The following LRRTM4 variants were observed in gnomAD, a reference collection of about 807,000 sequenced individuals.
LRRTM4 encodes the protein leucine rich repeat transmembrane neuronal 4.
Under a neutral mutation model 47.6 loss-of-function variants are expected in LRRTM4, and 25 were observed. That is an observed-to-expected ratio of 0.53 (90% CI 0.38 to 0.73). The LOEUF is 0.73. Ranked by LOEUF, LRRTM4 falls within the 30% of genes least tolerant of loss-of-function variation. The probability of loss-of-function intolerance (pLI) is 0.00; values close to 1 mark genes in which losing one functional copy is unlikely to be tolerated. For synonymous variants in LRRTM4, 311 were observed against 269.5 expected, an observed-to-expected ratio of 1.15 and a Z score of -1.51; for missense variants, 638 against 713.4, an observed-to-expected ratio of 0.89 and a Z score of 1.20.
intron 3 of LRRTM4, among the ~76,000 whole-genome samples, chr2:77,385,821 C>T (rs1479010834): frequency 4.3e-5 from 6 of 140,902 alleles, no homozygotes; most frequent in Non-Finnish European, 6.0e-5. Flanking sequence ...GATCTCAGCT[C>T]GGTGTAACCT....
intron 3 of LRRTM4, among the ~76,000 whole-genome samples, chr2:77,147,437 C>T (rs1558604657): frequency 6.6e-6 from 1 of 152,094 alleles, no homozygotes. Flanking sequence ...TCTCTGTGGA[C>T]TCCAAGGGGT....
intron 3 of LRRTM4, among the ~76,000 whole-genome samples, chr2:77,279,228 G>A (rs139223737): frequency 8.2e-4 from 125 of 152,012 alleles, no homozygotes; most frequent in African/African-American, 2.5e-3. Flanking sequence ...ATCTCTTTCC[G>A]TGGACCTACT....
chr2:77,002,062 T>A (rs1017510942), intron 3 of LRRTM4, among the ~76,000 whole-genome samples: 5 of 152,154 alleles, frequency 3.3e-5, no homozygotes, highest in Non-Finnish European at 7.4e-5. Flanking sequence ...GCTTAACATT[T>A]TACTCTCTTA....
intron 3 of LRRTM4, among the ~76,000 whole-genome samples, chr2:76,978,517 A>G (rs1676493890): frequency 6.6e-6 from 1 of 152,074 alleles, no homozygotes; most frequent in Non-Finnish European, 1.5e-5. Context: ...AGGCTATTGC[A>G]TTTTAAGAAA....
At chr2:77,015,857 C>A (rs1434229295) in intron 3 of LRRTM4, among the ~76,000 whole-genome samples, 1 of 152,072 alleles carries the variant, frequency 6.6e-6, no homozygotes, top group African/African-American at 2.4e-5. Flanking sequence ...GTGGCTCACA[C>A]CTATAATCCC....
At chr2:76,830,515 CGTGTGTGTGTGTGTGTGT>C (rs57566911) in intron 3 of LRRTM4, among the ~76,000 whole-genome samples, 5 of 143,988 alleles carry the variant, frequency 3.5e-5, no homozygotes, top group African/African-American at 1.0e-4. Context: ...GCAGTGTGTG[CGTGTGTGTGTGTGTGTGT>C]GTGTGTGTGT....
intron 3 of LRRTM4, among the ~76,000 whole-genome samples, chr2:77,507,279 A>T (rs1279043426): frequency 1.3e-5 from 2 of 152,168 alleles, no homozygotes; most frequent in African/African-American, 4.8e-5. Flanking sequence ...ATATTTGCTT[A>T]TATAATTAAT....
intron 3 of LRRTM4, among the ~76,000 whole-genome samples, chr2:76,788,765 G>A (rs930923909): frequency 3.9e-5 from 6 of 152,078 alleles, no homozygotes; most frequent in African/African-American, 1.2e-4. Context: ...GAATTTTTAG[G>A]GGGGAGGAAG....
intron 3 of LRRTM4, among the ~76,000 whole-genome samples, chr2:77,510,321 T>G (rs1678934937): frequency 6.6e-6 from 1 of 152,118 alleles, no homozygotes; most frequent in Non-Finnish European, 1.5e-5. Flanking sequence ...AGAACGTATG[T>G]TTCAGTTAAT....
At chr2:76,937,049 G>T (rs1013563336) in intron 3 of LRRTM4, among the ~76,000 whole-genome samples, 9 of 146,996 alleles carry the variant, frequency 6.1e-5, no homozygotes, top group African/African-American at 2.3e-4. Flanking sequence ...CAATGACAAC[G>T]GGAAGCCACA....
At chr2:76,796,129 C>T (rs974144518) in intron 3 of LRRTM4, among the ~76,000 whole-genome samples, 1 of 142,070 alleles carries the variant, frequency 7.0e-6, no homozygotes, top group African/African-American at 2.6e-5. Flanking sequence ...AACGGCACAC[C>T]ACAAGATTAT....
At chr2:77,031,949 A>G (rs1044998007) in intron 3 of LRRTM4, among the ~76,000 whole-genome samples, 2 of 151,810 alleles carry the variant, frequency 1.3e-5, no homozygotes, top group Admixed American at 1.3e-4. Context: ...ATGATTGTCA[A>G]CTCCTCTTTC....
At chr2:77,480,833 GA>G (rs1677668023) in intron 3 of LRRTM4, among the ~76,000 whole-genome samples, 6 of 49,154 alleles carry the variant, frequency 1.2e-4, no homozygotes, top group Admixed American at 2.5e-4. Context: ...GAGAGAGAGA[GA>G]GAGAGAGAGA....
At chr2:76,925,197 G>A (rs962929895) in intron 3 of LRRTM4, among the ~76,000 whole-genome samples, 1 of 152,136 alleles carries the variant, frequency 6.6e-6, no homozygotes, top group African/African-American at 2.4e-5. Flanking sequence ...TTAAAAGAGG[G>A]TAAAAGAGAT....
intron 3 of LRRTM4, among the ~76,000 whole-genome samples, chr2:76,836,142 G>A (rs1187866296): frequency 2.4e-5 from 3 of 125,328 alleles, no homozygotes; most frequent in Non-Finnish European, 4.9e-5. Flanking sequence ...CCAGTCTCAA[G>A]ATATTATAGT....
chr2:77,506,918 TG>T lies in LRRTM4; in HGVS notation c.1551+11399del, dbSNP rs1678797325. ...TAATAAAATGTGAACTTCAAAGTAA[TG>T]TTATGCAATCATATACATACAGTTT... On this transcript the variant is annotated intron_variant, in intron 3 of 3. Coordinates refer to ENST00000409884, the MANE Select transcript of LRRTM4 (RefSeq NM_001134745.3). Among the ~76,000 whole-genome samples, 6 of 151,990 alleles carry T rather than the reference TG, an allele frequency of 3.9e-5. No homozygotes were observed. In the South Asian group the frequency reaches 1.2e-3, roughly 31 times the overall value.
chr2:76,868,310 T>G (rs1243048586), intron 3 of LRRTM4, among the ~76,000 whole-genome samples: 1 of 152,190 alleles, frequency 6.6e-6, no homozygotes, highest in Non-Finnish European at 1.5e-5. Context: ...CCAGTTTCTA[T>G]CCTATGAGGT....
At chr2:77,052,171 T>TTA (rs1181352857) in intron 3 of LRRTM4, among the ~76,000 whole-genome samples, 10 of 146,944 alleles carry the variant, frequency 6.8e-5, no homozygotes, top group Non-Finnish European at 7.5e-5. Context: ...TTTTTTTTTT[T>TTA]TTGAGACAGA....
chr2:77,005,501 C>T (rs867744980), intron 3 of LRRTM4, among the ~76,000 whole-genome samples: 19 of 152,186 alleles, frequency 1.2e-4, no homozygotes, highest in Admixed American at 3.3e-4. Flanking sequence ...TGCAATGATA[C>T]GGTTTGGCTC....
Sources: allele counts gnomAD v4.1 joint callset (sites outside exome capture counted in the v4.1 genomes callset), GRCh38; gene constraint gnomAD v4.1.1; transcripts MANE v1.5; gene names NCBI Gene and HGNC (gene_info 2026-07-23, HGNC 2026-07-21).